MINDY3: variants seen among roughly 807,000 people sequenced by gnomAD.
MINDY3 encodes ubiquitin carboxyl-terminal hydrolase MINDY-3.
In MINDY3, 38 loss-of-function variants were observed where a neutral mutation model predicts 69.2. The observed-to-expected ratio is 0.55, with a 90% CI of 0.42 to 0.72. The LOEUF (loss-of-function observed/expected upper bound fraction) is 0.72. MINDY3 is among the 30% of genes least tolerant of loss of function. MINDY3 has a pLI of 0.00. For missense variants in MINDY3, 522 were observed against 519.0 expected (o/e 1.01, Z -0.06); for synonymous variants, 192 against 180.1 (o/e 1.07, Z -0.53).
intron 8 of MINDY3, among the ~76,000 whole-genome samples, chr10:15,832,327 G>A (rs554634170): frequency 1.3e-5 from 2 of 152,218 alleles, no homozygotes; most frequent in East Asian, 3.9e-4. Context: ...TAAGATACCT[G>A]GGGGTCCAGA....
chr10:15,838,198 A>G (rs761657533), intron 5 of MINDY3, 30 bp downstream of exon 5: 1 of 1,589,332 alleles, frequency 6.3e-7, no homozygotes, highest in South Asian at 1.2e-5. Context: ...TCCACAGAGT[A>G]AGTATTTTAA....
At chr10:15,849,923 A>G (rs1231980816) in intron 1 of MINDY3, among the ~76,000 whole-genome samples, 1 of 152,198 alleles carries the variant, frequency 6.6e-6, no homozygotes, top group African/African-American at 2.4e-5. Context: ...CAATTTACTT[A>G]ACCCTCACTA....
At chr10:15,827,465 C>A (rs750572091) in intron 8 of MINDY3, among the ~76,000 whole-genome samples, 2 of 151,742 alleles carry the variant, frequency 1.3e-5, no homozygotes, top group Non-Finnish European at 1.5e-5. Context: ...TGCTTGAACC[C>A]GGGTTAGGCA....
At chr10:15,832,435 C>T (rs766214715) in intron 8 of MINDY3, among the ~76,000 whole-genome samples, 14 of 148,676 alleles carry the variant, frequency 9.4e-5, no homozygotes, top group Non-Finnish European at 1.8e-4. Flanking sequence ...ACCCAAGAGA[C>T]ACTGAAATGA....
intron 9 of MINDY3, among the ~76,000 whole-genome samples, chr10:15,821,271 C>A (rs937822684): frequency 1.6e-4 from 24 of 152,126 alleles, no homozygotes; most frequent in African/African-American, 5.8e-4. Flanking sequence ...TTTCTCTTTG[C>A]CTAATAAAGT....
intron 10 of MINDY3, among the ~76,000 whole-genome samples, chr10:15,811,470 T>C (rs1397216993): frequency 6.6e-6 from 1 of 152,146 alleles, no homozygotes; most frequent in Non-Finnish European, 1.5e-5. Context: ...TATGTATAGA[T>C]TAATATTTCT....
At chr10:15,833,883 C>T (rs1454417161) in intron 7 of MINDY3, among the ~76,000 whole-genome samples, 174 bp from the exon 8 acceptor site, 2 of 151,894 alleles carry the variant, frequency 1.3e-5, no homozygotes, top group Non-Finnish European at 2.9e-5. Context: ...AATGTATCAC[C>T]AAATATATCA....
chr10:15,808,296 G>A (rs1053305361), intron 10 of MINDY3, among the ~76,000 whole-genome samples: 7 of 152,114 alleles, frequency 4.6e-5, no homozygotes, highest in South Asian at 2.1e-4. Flanking sequence ...ACAAACTCCA[G>A]AATTTACTTA....
At chr10:15,783,355 T>A (rs1212232540) in intron 13 of MINDY3, among the ~76,000 whole-genome samples, 1 of 152,210 alleles carries the variant, frequency 6.6e-6, no homozygotes, top group Admixed American at 6.5e-5. Context: ...TCTACCTTTT[T>A]AGTCTTATCT....
chr10:15,802,785 A>C (rs1460615699), intron 10 of MINDY3, among the ~76,000 whole-genome samples: 1 of 152,108 alleles, frequency 6.6e-6, no homozygotes, highest in Non-Finnish European at 1.5e-5. Flanking sequence ...GTCATTACTA[A>C]TACAACAAAC....
chr10:15,820,267 G>C (rs1231413725), intron 9 of MINDY3, among the ~76,000 whole-genome samples: 1 of 152,166 alleles, frequency 6.6e-6, no homozygotes, highest in Non-Finnish European at 1.5e-5. Flanking sequence ...GCAAGCACTG[G>C]AGAGGGCTCG....
chr10:15,807,521 G>A (rs1276199653), intron 10 of MINDY3, among the ~76,000 whole-genome samples: 1 of 151,962 alleles, frequency 6.6e-6, no homozygotes, highest in Non-Finnish European at 1.5e-5. Context: ...AACCATACAA[G>A]ACCTTTTTTT....
intron 9 of MINDY3, 178 bp from the exon 10 acceptor site, chr10:15,817,093 A>G: frequency 1.7e-6 from 1 of 592,628 alleles, no homozygotes; most frequent in Non-Finnish European, 3.0e-6. Flanking sequence ...TGAGTGTTAG[A>G]AGACTGTCAG....
At chr10:15,819,871 T>A (rs1247302575) in intron 9 of MINDY3, among the ~76,000 whole-genome samples, 1 of 152,108 alleles carries the variant, frequency 6.6e-6, no homozygotes, top group Admixed American at 6.6e-5. Flanking sequence ...CCCACTAAGA[T>A]CTTGAGGGGA....
At chr10:15,823,518 G>A (rs894243872) in intron 8 of MINDY3, among the ~76,000 whole-genome samples, 1 of 152,040 alleles carries the variant, frequency 6.6e-6, no homozygotes, top group African/African-American at 2.4e-5. Flanking sequence ...CTTAATTTTT[G>A]TTAAGTTTAT....
chr10:15,789,591 T>A (rs1369176083), intron 11 of MINDY3, among the ~76,000 whole-genome samples: 1 of 152,170 alleles, frequency 6.6e-6, no homozygotes, highest in African/African-American at 2.4e-5. Flanking sequence ...CTTTAAACAG[T>A]GTTACAGCGT....
intron 1 of MINDY3, among the ~76,000 whole-genome samples, chr10:15,852,773 G>C (rs902236210): frequency 6.6e-6 from 1 of 152,106 alleles, no homozygotes; most frequent in African/African-American, 2.4e-5. Flanking sequence ...GCAAACTACA[G>C]TTGGCCGTTC....
At position 15,841,576 on chromosome 10, in the gene MINDY3, A is replaced by C; in HGVS notation, c.259T>G (p.Cys87Gly). Residue 87 changes from cysteine (C) to glycine (G), a missense_variant, in exon 4 of 15, where the codon TGT becomes GGT. Cys to Gly is a radical substitution (Grantham distance 159). Transcript: ENST00000277632. ...CSEEEQKELLCHTLCDILESA... is the reference protein window; with the variant it reads ...CSEEEQKELLGHTLCDILESA... ...TCTAAAATATCACACAAGGTATGACAAAGGAGTTCCTTCTGCTCTTCCTCT... is the reference window on the plus strand; with the variant it reads ...TCTAAAATATCACACAAGGTATGACCAAGGAGTTCCTTCTGCTCTTCCTCT... The C allele has an allele frequency of 6.2e-7, 1 of 1,608,126 alleles. No homozygotes were observed. The highest frequency in any genetic ancestry group is 8.5e-7 in the Non-Finnish European group (1 of 1,176,806).
chr10:15,856,179 A>G (rs1834678759), intron 1 of MINDY3, among the ~76,000 whole-genome samples: 1 of 152,084 alleles, frequency 6.6e-6, no homozygotes, highest in Middle Eastern at 3.2e-3. Context: ...TTACTTTGAT[A>G]AAATAGTAAA....
Sources: allele counts gnomAD v4.1 joint callset (sites outside exome capture counted in the v4.1 genomes callset), GRCh38; gene constraint gnomAD v4.1.1; transcripts MANE v1.5; gene names NCBI Gene and HGNC (gene_info 2026-07-23, HGNC 2026-07-21).